Variants in TTLL5 observed in about 807,000 individuals in gnomAD.
TTLL5 encodes tubulin polyglutamylase TTLL5.
TTLL5 carries 132 observed loss-of-function variants against 168.4 expected under a neutral mutation model. The ratio of observed to expected loss-of-function variants is 0.78; its 90% CI spans 0.68 to 0.91. The LOEUF (loss-of-function observed/expected upper bound fraction) is 0.91. TTLL5 is among the 40% of genes least tolerant of loss of function. The pLI, the probability that TTLL5 is intolerant of heterozygous loss-of-function variation, is 0.00. For missense variants in TTLL5, 1,545 were observed against 1,581.5 expected, an observed-to-expected ratio of 0.98 and a Z score of 0.39; for synonymous variants, 546 against 558.6, an observed-to-expected ratio of 0.98 and a Z score of 0.32.
intron 26 of TTLL5, among the ~76,000 whole-genome samples, chr14:75,791,719 T>G (rs1595048483): frequency 6.6e-6 from 1 of 152,172 alleles, no homozygotes; most frequent in Non-Finnish European, 1.5e-5. Context: ...ATTTTGTATG[T>G]ACTAAATAAT....
At chr14:75,800,121 T>TAATCCCAAAC (rs1335155732) in intron 27 of TTLL5, among the ~76,000 whole-genome samples, 1 of 152,202 alleles carries the variant, frequency 6.6e-6, no homozygotes, top group East Asian at 1.9e-4. Context: ...GGTTTGGTCG[T>TAATCCCAAAC]TTAACATAAT....
intron 17 of TTLL5, among the ~76,000 whole-genome samples, chr14:75,745,905 T>C (rs994431182): frequency 4.6e-5 from 7 of 152,224 alleles, no homozygotes; most frequent in Admixed American, 3.9e-4. Flanking sequence ...AGCAATATAT[T>C]GTTTTATTGA....
At position 75,848,302 on chromosome 14, in the gene TTLL5, G is replaced by A. The variant is rs536811061; in HGVS notation, c.3327-15365G>A. On this transcript the variant is annotated intron_variant, in intron 28 of 31. Transcript: ENST00000298832. ...TTTATGTGCACTAGGTTTGAACCCAGCTACAATTCAATGTAGAAGTTCTTG... is the reference window on the plus strand; with the variant it reads ...TTTATGTGCACTAGGTTTGAACCCAACTACAATTCAATGTAGAAGTTCTTG... Among the ~76,000 whole-genome samples, 8 of 152,186 alleles carry A rather than the reference G, an allele frequency of 5.3e-5. No individual in the cohort carries two copies. The South Asian group carries it at 1.7e-3, about 32-fold the overall frequency.
At chr14:75,790,884 C>T (rs1411540971) in intron 26 of TTLL5, among the ~76,000 whole-genome samples, 1 of 147,426 alleles carries the variant, frequency 6.8e-6, no homozygotes, top group Non-Finnish European at 1.5e-5. Flanking sequence ...ATCACGAGGT[C>T]AGGAGATCAA....
At chr14:75,725,638 G>A (rs976724222) in intron 12 of TTLL5, among the ~76,000 whole-genome samples, 1 of 152,100 alleles carries the variant, frequency 6.6e-6, no homozygotes, top group African/African-American at 2.4e-5. Context: ...CCCACATAAA[G>A]ACATGTCCTT....
chr14:75,693,341 A>G (rs1027168726), intron 6 of TTLL5, among the ~76,000 whole-genome samples: 8 of 152,194 alleles, frequency 5.3e-5, no homozygotes, highest in Non-Finnish European at 1.2e-4. Flanking sequence ...GAGAACTGAT[A>G]AGGATTGGAC....
intron 27 of TTLL5, among the ~76,000 whole-genome samples, chr14:75,795,278 A>G (rs1892939928): frequency 6.6e-6 from 1 of 152,246 alleles, no homozygotes. Flanking sequence ...ATATGTGGAA[A>G]ATATTGTTAT....
At chr14:75,767,489 T>C (rs1891036064) in intron 20 of TTLL5, among the ~76,000 whole-genome samples, 1 of 152,112 alleles carries the variant, frequency 6.6e-6, no homozygotes, top group African/African-American at 2.4e-5. Context: ...GAGGAGTCAG[T>C]CGTGTGAATA....
chr14:75,760,697 A>G (rs1039641658), intron 18 of TTLL5, among the ~76,000 whole-genome samples: 1 of 152,106 alleles, frequency 6.6e-6, no homozygotes, highest in Admixed American at 6.5e-5. Context: ...TTTTTTAAAA[A>G]TGAGGATGGA....
chr14:75,872,332 A>G (rs1163157884), intron 29 of TTLL5, among the ~76,000 whole-genome samples: 1 of 152,244 alleles, frequency 6.6e-6, no homozygotes, highest in African/African-American at 2.4e-5. Context: ...GAAAAGAGAT[A>G]TGATTTAAAT....
chr14:75,793,912 A>G (rs973553177), intron 27 of TTLL5, among the ~76,000 whole-genome samples: 1 of 152,220 alleles, frequency 6.6e-6, no homozygotes, highest in Non-Finnish European at 1.5e-5. Flanking sequence ...CTGATGTGCC[A>G]AATTCCTTAA....
rs111270562 is a variant in TTLL5, at chr14:75,674,824, A to G, written c.181+5302A>G. ...CTAGTAGGAAATTATTTTTAAAAGT[A>G]AAAGGAAACAGGTAGGTGAAATTAA... On this transcript the variant is annotated intron_variant, in intron 3 of 31. Coordinates refer to ENST00000298832, the MANE Select transcript of TTLL5 (RefSeq NM_015072.5). Among the ~76,000 whole-genome samples, 804 of 152,278 alleles carry G rather than the reference A, an allele frequency of 5.3e-3. 4 individuals are homozygous for G. The highest frequency in any genetic ancestry group is 0.011 in the East Asian group (57 of 5,194).
intron 28 of TTLL5, among the ~76,000 whole-genome samples, chr14:75,852,652 C>T (rs1896922818): frequency 1.3e-5 from 2 of 152,076 alleles, no homozygotes; most frequent in African/African-American, 2.4e-5. Flanking sequence ...AAGGTGTAAA[C>T]TCAAAGGTTA....
rs954338872 is a variant in TTLL5 at position 75,819,910 on chromosome 14, G to C, written c.3172-97G>C. 5.2e-6 allele frequency: 7 copies of C among 1,342,788 alleles called. No individual in the cohort carries two copies. In the African/African-American group the frequency reaches 9.0e-5, roughly 17 times the overall value. The allele number at this position is 1,342,788 out of a possible 1,614,324, so 83.2% of individuals were successfully genotyped here. On this transcript the variant is annotated intron_variant, in intron 27 of 31. Transcript: ENST00000298832. ...CCACAGCTTCAGCTCAGAGGGGTCA[G>C]CATCTGTTGGCCTTGACTTGATTTT...
intron 9 of TTLL5, among the ~76,000 whole-genome samples, chr14:75,714,986 G>A (rs1041941917): frequency 6.6e-6 from 1 of 152,066 alleles, no homozygotes; most frequent in Admixed American, 6.6e-5. Flanking sequence ...ATACTAGTAC[G>A]CACAATTCTA....
rs775565673 is a variant in TTLL5, at chr14:75,735,286, T to C, written c.1278T>C (p.Pro426=). 6.2e-7 allele frequency: 1 copy of C among 1,614,112 alleles called. No homozygotes were observed. The highest frequency in any genetic ancestry group is 1.1e-5 in the South Asian group (1 of 91,082). The change falls in exon 15 of 32, where the codon CCT becomes CCC. Residue 426 remains proline (P), a synonymous_variant. Transcript: ENST00000298832. Reference sequence around the variant, plus strand: ...CCAGGCGAAACCCTTTCCAGAAACCTCAGGTAAGCCAATTCCACAGCAGGG... The same window carrying C: ...CCAGGCGAAACCCTTTCCAGAAACCCCAGGTAAGCCAATTCCACAGCAGGG... ...ESSRRNPFQK[P]QRCRPLSASD...
intron 29 of TTLL5, among the ~76,000 whole-genome samples, chr14:75,873,317 G>A (rs11624533): frequency 0.66 from 100,902 of 152,028 alleles, 35,041 homozygotes; most frequent in Admixed American, 0.77. Flanking sequence ...CTCGTGATCC[G>A]CCTGCCTTGG....
chr14:75,847,877 A>G (rs1420528902), intron 28 of TTLL5, among the ~76,000 whole-genome samples: 1 of 151,994 alleles, frequency 6.6e-6, no homozygotes, highest in African/African-American at 2.4e-5. Context: ...TTTCATTTTT[A>G]ACAAGTTTCA....
In TTLL5 at chr14:75,752,831, A is replaced by C. The variant is rs1404761217; in HGVS notation, c.1488-62A>C. The stretch of plus-strand genomic sequence containing the variant: ...ATTTCTGTGCTTGATTCATGGTTGT[A>C]TTTCTACATTTTCCTCTTGAACTAG... On this transcript the variant is annotated intron_variant, in intron 17 of 31. Transcript: ENST00000298832. The C allele has an allele frequency of 6.8e-6, 10 of 1,479,876 alleles. No individual in the cohort carries two copies. The Admixed American group carries it at 1.5e-4, about 22-fold the overall frequency. The allele number at this position is 1,479,876 out of a possible 1,614,324, so 91.7% of individuals were successfully genotyped here. A position where few individuals can be genotyped will look rare whatever the true frequency, so the allele number is the denominator to read the frequency against.
Sources: gnomAD v4.1 joint callset for allele counts (sites outside exome capture counted in the v4.1 genomes callset) on GRCh38, gnomAD v4.1.1 for gene constraint, MANE v1.5 for transcripts, NCBI Gene and HGNC (gene_info 2026-07-23, HGNC 2026-07-21) for gene names.